ATR: variants seen among roughly 807,000 people sequenced by gnomAD.
ATR encodes ATR checkpoint kinase.
In ATR, 142 loss-of-function variants were observed where a neutral mutation model predicts 305.3. That is an observed-to-expected ratio of 0.47 (90% confidence interval 0.41 to 0.53). The LOEUF is 0.53. Among genes scored for constraint, ATR ranks in the 20% least tolerant of loss-of-function variants. ATR has a pLI of 0.00. For missense variants in ATR, 2,135 were observed against 3,133.1 expected (o/e 0.68, Z 7.60); for synonymous variants, 1,050 against 1,068.1 (o/e 0.98, Z 0.33).
intron 41 of ATR, 61 bp downstream of exon 41, chr3:142,465,036 G>C (rs2108270574): frequency 8.6e-7 from 1 of 1,156,874 alleles, no homozygotes; most frequent in Non-Finnish European, 1.1e-6. Flanking sequence ...TTTTATAATA[G>C]TCAAAAATTT....
At position 142,496,491 on chromosome 3, in the gene ATR, C is replaced by T. The variant is rs2108333843; in HGVS notation, c.5768G>A (p.Cys1923Tyr). ...RPDYNEMVGE[C>Y]WLQSARVARK... is the part of the protein sequence containing the mutation. ...AGCTACCCTGGCACTCTGCAGCCAG[C>T]ATTCTCCAACCATTTCATTGTAATC... Residue 1923 changes from cysteine (C) to tyrosine (Y), a missense_variant, in exon 34 of 47, where the codon TGC becomes TAC. By Grantham distance (194) the Cys-to-Tyr change is radical. Transcript: ENST00000350721. 6.2e-7 allele frequency: 1 copy of T among 1,611,354 alleles called. No individual in the cohort carries two copies. Among genetic ancestry groups the T allele is most frequent in the Non-Finnish European group, 8.5e-7 (1 of 1,178,908 alleles).
chr3:142,542,086 G>A (rs2108440181), intron 17 of ATR, among the ~76,000 whole-genome samples: 1 of 152,234 alleles, frequency 6.6e-6, no homozygotes, highest in East Asian at 1.9e-4. Flanking sequence ...AAACTTCACT[G>A]TGGCACAAGC....
At chr3:142,488,068 T>C (rs1218177190) in intron 35 of ATR, among the ~76,000 whole-genome samples, 3 of 152,140 alleles carry the variant, frequency 2.0e-5, no homozygotes, top group African/African-American at 7.2e-5. Flanking sequence ...TGGCTTCCTG[T>C]GAAGTTCAAT....
intron 46 of ATR, chr3:142,451,272 G>T: frequency 8.3e-7 from 1 of 1,207,950 alleles, no homozygotes; most frequent in Non-Finnish European, 1.0e-6. Flanking sequence ...CTAGCTGAGA[G>T]AAACAAACAG....
At position 142,497,008 on chromosome 3, in the gene ATR, G is replaced by T; in HGVS notation, c.5738+5C>A. The T allele has an allele frequency of 6.2e-7, 1 of 1,612,208 alleles. No homozygotes were observed. The highest frequency in any genetic ancestry group is 1.1e-5 in the South Asian group (1 of 90,846). On this transcript the variant is annotated splice_donor_5th_base_variant and intron_variant, in intron 33 of 46. Transcript: ENST00000350721. ...GACATTTTTAAAAAAAGTAGTGTGA[G>T]AAACCTTTTGTTGAGGCTTAGTAAA... is the stretch of plus-strand genomic sequence containing the variant.
intron 1 of ATR, among the ~76,000 whole-genome samples, chr3:142,571,595 A>G (rs887158450): frequency 6.6e-6 from 1 of 152,210 alleles, no homozygotes; most frequent in Non-Finnish European, 1.5e-5. Flanking sequence ...GTGAGTGATT[A>G]GCAAAGTCCA....
intron 40 of ATR, 24 bp downstream of exon 40, chr3:142,466,300 T>C (rs375194370): frequency 2.7e-5 from 43 of 1,593,560 alleles, no homozygotes; most frequent in East Asian, 2.7e-4. Context: ...TTTAAAATCA[T>C]AGTCATATAA....
chr3:142,542,554 A>G, intron 17 of ATR, 111 bp downstream of exon 17: 1 of 1,004,036 alleles, frequency 1.0e-6, no homozygotes, highest in Non-Finnish European at 1.5e-6. Flanking sequence ...TCAGCAATAG[A>G]GAATGTCATA....
intron 18 of ATR, among the ~76,000 whole-genome samples, chr3:142,539,848 C>G (rs886216560): frequency 1.3e-5 from 2 of 152,112 alleles, no homozygotes; most frequent in African/African-American, 4.8e-5. Context: ...ATTATTTCAT[C>G]AACTGCAATG....
intron 25 of ATR, among the ~76,000 whole-genome samples, chr3:142,513,875 C>T (rs758979830): frequency 2.6e-5 from 4 of 151,216 alleles, no homozygotes; most frequent in Non-Finnish European, 4.4e-5. Context: ...TCTTCAAATA[C>T]AAAGCCAAAA....
rs760692449 is a variant in ATR, at chr3:142,542,715, A to G, written c.3400T>C (p.Phe1134Leu). Residue 1134 changes from phenylalanine (F) to leucine (L), a missense_variant, in exon 17 of 47, where the codon TTT becomes CTT. Physicochemically the swap from Phe to Leu is conservative, Grantham distance 22. Coordinates refer to ENST00000350721, the MANE Select transcript of ATR (RefSeq NM_001184.4). ...CTAGAGCTCAGTAACTGCATGTTAA[A>G]AAAAGCCAAAATGCCCAACAATTTG... ...QPKLLGILAF[F>L]NMQLLSSSVG... is the part of the protein sequence containing the mutation. 1 of 1,613,372 alleles carries G rather than the reference A, an allele frequency of 6.2e-7. No homozygotes were observed. The highest frequency in any genetic ancestry group is 8.5e-7 in the Non-Finnish European group (1 of 1,179,688).
In ATR at chr3:142,498,793, G is replaced by C. The variant is rs1559940200; in HGVS notation, c.5381-19C>G. 6.2e-7 allele frequency: 1 copy of C among 1,611,770 alleles called. No individual in the cohort carries two copies. Among genetic ancestry groups the C allele is most frequent in the Non-Finnish European group, 8.5e-7 (1 of 1,178,282 alleles). ...TTTCCATCTGAAAAACAAATGAAGAGTCAAGAAATGTCACGGTAGCTGGGT... is the reference window on the plus strand; with the variant it reads ...TTTCCATCTGAAAAACAAATGAAGACTCAAGAAATGTCACGGTAGCTGGGT... On this transcript the variant is annotated intron_variant, in intron 31 of 46. Coordinates refer to ENST00000350721, the MANE Select transcript of ATR (RefSeq NM_001184.4).
chr3:142,480,237 G>C (rs2030323217), intron 36 of ATR, among the ~76,000 whole-genome samples: 1 of 152,178 alleles, frequency 6.6e-6, no homozygotes, highest in Non-Finnish European at 1.5e-5. Flanking sequence ...TTTGGTCTTT[G>C]ATGATAGTGA....
chr3:142,543,693 C>T (rs985390578), intron 16 of ATR, among the ~76,000 whole-genome samples: 4 of 151,446 alleles, frequency 2.6e-5, no homozygotes, highest in African/African-American at 7.3e-5. Context: ...CTTCCTCTCT[C>T]GACAGGGTCT....
chr3:142,566,283 T>C, intron 2 of ATR, 22 bp from the exon 3 acceptor site: 1 of 1,611,302 alleles, frequency 6.2e-7, no homozygotes, highest in Non-Finnish European at 8.5e-7. Context: ...AGATTCATTT[T>C]AAAGAGTCAT....
At chr3:142,491,383 G>A (rs2108322539) in intron 35 of ATR, among the ~76,000 whole-genome samples, 1 of 151,544 alleles carries the variant, frequency 6.6e-6, no homozygotes, top group East Asian at 1.9e-4. Flanking sequence ...GGTGTATGCA[G>A]AAGAAACAGA....
chr3:142,465,317 T>A (rs2071102313), intron 40 of ATR, 77 bp from the exon 41 acceptor site: 1 of 1,149,778 alleles, frequency 8.7e-7, no homozygotes, highest in Non-Finnish European at 1.2e-6. Flanking sequence ...AACCTTGAGT[T>A]ATGTAAAAAA....
intron 1 of ATR, among the ~76,000 whole-genome samples, chr3:142,571,517 G>C (rs2035260464): frequency 1.3e-5 from 2 of 151,590 alleles, no homozygotes; most frequent in African/African-American, 4.8e-5. Flanking sequence ...ATAATCAAAA[G>C]CAAGTATCAT....
rs988653053 is a variant in ATR, at chr3:142,512,202, A to G, written c.4852+58T>C. On this transcript the variant is annotated intron_variant, in intron 27 of 46. Coordinates refer to ENST00000350721, the MANE Select transcript of ATR (RefSeq NM_001184.4). ...AAATTATAGAACTGATAAAGGGAAG[A>G]GCTAATTGGTGAATAGCTAAAAAAA... 7 of 1,382,544 alleles carry G rather than the reference A, an allele frequency of 5.1e-6. No individual in the cohort carries two copies. In the African/African-American group the frequency reaches 7.4e-5, roughly 15 times the overall value. 85.6% of individuals were successfully genotyped at this position (1,382,544 alleles called of 1,614,324 possible).
Sources: allele counts gnomAD v4.1 joint callset (sites outside exome capture counted in the v4.1 genomes callset), GRCh38; gene constraint gnomAD v4.1.1; transcripts MANE v1.5; gene names NCBI Gene and HGNC (gene_info 2026-07-23, HGNC 2026-07-21).